Variants in KHDRBS2 observed in about 807,000 individuals in gnomAD.
The protein encoded by KHDRBS2 is KH RNA binding domain containing, signal transduction associated 2.
A neutral mutation model predicts 44.3 loss-of-function variants in KHDRBS2; 26 were observed. That is an observed-to-expected ratio of 0.59 (90% confidence interval 0.43 to 0.81). The LOEUF (loss-of-function observed/expected upper bound fraction) is 0.81, where lower values mean the gene tolerates loss of function less well. Ranked by LOEUF, KHDRBS2 falls within the 40% of genes least tolerant of loss-of-function variation. KHDRBS2 has a pLI of 0.00. For missense variants in KHDRBS2, 476 were observed against 433.1 expected (o/e 1.10, Z -0.88); for synonymous variants, 194 against 151.1 (o/e 1.28, Z -2.08).
intron 4 of KHDRBS2, among the ~76,000 whole-genome samples, chr6:61,918,336 C>G (rs754873114): frequency 6.6e-6 from 1 of 151,884 alleles, no homozygotes; most frequent in South Asian, 2.1e-4. Context: ...AGGGACTATG[C>G]TATTGGCTGA....
chr6:61,983,484 C>T (rs1343513508), intron 3 of KHDRBS2, among the ~76,000 whole-genome samples: 1 of 151,978 alleles, frequency 6.6e-6, no homozygotes, highest in East Asian at 1.9e-4. Flanking sequence ...TAACAAAGGT[C>T]ACTTCTGGAT....
chr6:61,733,812 T>C (rs968522325), intron 6 of KHDRBS2, among the ~76,000 whole-genome samples: 12 of 151,728 alleles, frequency 7.9e-5, no homozygotes, highest in Non-Finnish European at 1.5e-4. Context: ...TTTGTGGTCA[T>C]TAATTTTAAA....
At chr6:61,946,082 C>T (rs915312739) in intron 4 of KHDRBS2, among the ~76,000 whole-genome samples, 3 of 152,174 alleles carry the variant, frequency 2.0e-5, no homozygotes, top group Admixed American at 1.3e-4. Flanking sequence ...ACATCATCCT[C>T]CTACACAAGA....
chr6:61,896,385 TA>T (rs1802947575), intron 5 of KHDRBS2, among the ~76,000 whole-genome samples: 1 of 152,192 alleles, frequency 6.6e-6, no homozygotes, highest in Non-Finnish European at 1.5e-5. Context: ...TTAAGATAGA[TA>T]TTTTTTTTTC....
chr6:61,716,921 C>G (rs1771533358), intron 7 of KHDRBS2, among the ~76,000 whole-genome samples: 1 of 152,020 alleles, frequency 6.6e-6, no homozygotes, highest in Admixed American at 6.6e-5. Flanking sequence ...TTACCCAATA[C>G]CTTCTTGTTT....
chr6:61,569,128 G>C, the KHDRBS2 span, among the ~76,000 whole-genome samples: 2,061 of 152,120 alleles, frequency 0.014, 22 homozygotes, highest in Middle Eastern at 0.031. Context: ...TCTCGCTACT[G>C]GCTATCCCTC....
At chr6:62,052,001 T>A (rs1789175765) in intron 2 of KHDRBS2, among the ~76,000 whole-genome samples, 1 of 151,966 alleles carries the variant, frequency 6.6e-6, no homozygotes, top group Non-Finnish European at 1.5e-5. Flanking sequence ...TTTACTTGAG[T>A]GAGCAGAAAA....
At chr6:61,893,722 G>A (rs1344299686) in intron 6 of KHDRBS2, among the ~76,000 whole-genome samples, 3 of 152,084 alleles carry the variant, frequency 2.0e-5, no homozygotes, top group Admixed American at 1.3e-4. Flanking sequence ...ACACAGGAAG[G>A]GGAACATCAC....
chr6:61,792,140 A>T (rs1363984328), intron 6 of KHDRBS2, among the ~76,000 whole-genome samples: 1 of 151,560 alleles, frequency 6.6e-6, no homozygotes, highest in African/African-American at 2.4e-5. Flanking sequence ...TTAATTCATC[A>T]AAGTCTGAAG....
rs1787172208 is a variant in KHDRBS2, at chr6:62,044,208, T to C, written c.336+3670A>G. On this transcript the variant is annotated intron_variant, in intron 3 of 8. Transcript: ENST00000281156. ...AAGTGCTCACAGTGGCTCACATCTA[T>C]AATCCCAGCACTTTGGCAGGCTGAG... 1.3e-5 allele frequency among the ~76,000 whole-genome samples: 2 copies of C among 152,028 alleles called. 1 individual carries two copies. Among genetic ancestry groups the C allele is most frequent in the South Asian group, 4.1e-4 (2 of 4,826 alleles).
At chr6:61,623,817 G>A in the KHDRBS2 span, among the ~76,000 whole-genome samples, 1 of 152,130 alleles carries the variant, frequency 6.6e-6, no homozygotes, top group Non-Finnish European at 1.5e-5. Flanking sequence ...GAATAGGTCA[G>A]TTTGATATGT....
chr6:61,672,824 T>C, the KHDRBS2 span, among the ~76,000 whole-genome samples: 1 of 149,778 alleles, frequency 6.7e-6, no homozygotes, highest in African/African-American at 2.4e-5. Flanking sequence ...GTAGTTTCTT[T>C]TGCTGTGCAG....
intron 1 of KHDRBS2, among the ~76,000 whole-genome samples, chr6:62,181,539 G>C (rs929907771): frequency 2.0e-5 from 3 of 151,910 alleles, no homozygotes; most frequent in African/African-American, 4.8e-5. Context: ...AAAAAAGAAA[G>C]TTGGCAAGGA....
the KHDRBS2 span, among the ~76,000 whole-genome samples, chr6:61,652,733 C>T: frequency 6.6e-6 from 1 of 151,994 alleles, no homozygotes; most frequent in Non-Finnish European, 1.5e-5. Flanking sequence ...AAAGGAACCA[C>T]CCAGAGCTGT....
chr6:61,912,207 G>T (rs986451857), intron 4 of KHDRBS2, among the ~76,000 whole-genome samples: 1 of 151,950 alleles, frequency 6.6e-6, no homozygotes, highest in African/African-American at 2.4e-5. Flanking sequence ...ATGTAATACA[G>T]TACAATACAG....
At chr6:61,820,122 A>G (rs1789655299) in intron 6 of KHDRBS2, among the ~76,000 whole-genome samples, 1 of 152,060 alleles carries the variant, frequency 6.6e-6, no homozygotes, top group Non-Finnish European at 1.5e-5. Context: ...TCTGAGCCAG[A>G]AAGAAAGTTA....
In KHDRBS2 at chr6:61,848,473, ATATATATATATATATATG is replaced by A. The variant is rs1463113391; in HGVS notation, c.810+46144_810+46161del. On this transcript the variant is annotated intron_variant, in intron 6 of 8. Coordinates refer to ENST00000281156, the MANE Select transcript of KHDRBS2 (RefSeq NM_152688.4). Reference sequence around the variant, plus strand: ...ATATTGAGAGAAATGGAGGTTTTATATATATATATATATATATGTATATATATATATATATATGTATAT... The same window carrying A: ...ATATTGAGAGAAATGGAGGTTTTATATATATATATATATATATATGTATAT... 3.8e-3 allele frequency among the ~76,000 whole-genome samples: 191 copies of A among 50,016 alleles called. 16 individuals are homozygous for A. Among genetic ancestry groups the A allele is most frequent in the African/African-American group, 0.023 (178 of 7,712 alleles). The allele number at this position is 50,016 out of a possible 152,430, so 32.8% of individuals were successfully genotyped here.
intron 2 of KHDRBS2, among the ~76,000 whole-genome samples, chr6:62,081,850 G>A (rs374016885): frequency 6.6e-6 from 1 of 151,812 alleles, no homozygotes; most frequent in African/African-American, 2.4e-5. Context: ...AGAAAAAAGA[G>A]AAATTATATA....
the KHDRBS2 span, among the ~76,000 whole-genome samples, chr6:61,575,540 C>G: frequency 6.6e-6 from 1 of 152,114 alleles, no homozygotes; most frequent in South Asian, 2.1e-4. Context: ...CTATGGAAAA[C>G]AGTATAGAAA....
Sources: gnomAD v4.1 joint callset for allele counts (sites outside exome capture counted in the v4.1 genomes callset) on GRCh38, gnomAD v4.1.1 for gene constraint, MANE v1.5 for transcripts, NCBI Gene and HGNC (gene_info 2026-07-23, HGNC 2026-07-21) for gene names.